KHDC1: variants seen among roughly 807,000 people sequenced by gnomAD.
The protein encoded by KHDC1 is KH domain containing 1, also known as KH homology domain-containing protein 1.
In KHDC1, 21 loss-of-function variants were observed where a neutral mutation model predicts 24.7. That is an observed-to-expected ratio of 0.85 (90% CI 0.60 to 1.23). KHDC1 has a LOEUF of 1.23. KHDC1 is among the 50% of genes most tolerant of loss of function. KHDC1 has a pLI of 0.00. For synonymous variants in KHDC1, 98 were observed against 111.7 expected, an observed-to-expected ratio of 0.88 and a Z score of 0.77; for missense variants, 274 against 298.5, an observed-to-expected ratio of 0.92 and a Z score of 0.61.
intron 2 of KHDC1, among the ~76,000 whole-genome samples, chr6:73,257,913 G>A (rs1426790872): frequency 2.0e-5 from 3 of 152,016 alleles, no homozygotes; most frequent in Admixed American, 1.3e-4. Context: ...TTCAAGATCA[G>A]GCTGGGCAAC....
At chr6:73,250,694 C>G (rs145005380) in intron 2 of KHDC1, among the ~76,000 whole-genome samples, 1 of 152,164 alleles carries the variant, frequency 6.6e-6, no homozygotes, top group Non-Finnish European at 1.5e-5. Context: ...TGATTGATTG[C>G]GCTCAGCAGT....
rs1158620688 is a variant in KHDC1, at chr6:73,272,856, C to CTTTTTTTT, written c.206+19141_206+19142insAAAAAAAA. On this transcript the variant is annotated intron_variant, in intron 2 of 4. Transcript: ENST00000370384. ...ATAATTTTTTCTTTTCTTTTCTTTT[C>CTTTTTTTT]TTTTTCTTTTTTTTTTTTTGGAGAT... 2.2e-5 allele frequency among the ~76,000 whole-genome samples: 3 copies of CTTTTTTTT among 135,314 alleles called. 1 individual carries two copies. The highest frequency in any genetic ancestry group is 6.0e-5 in the African/African-American group (2 of 33,090). 88.8% of individuals were successfully genotyped at this position (135,314 alleles called of 152,430 possible).
intron 1 of KHDC1, chr6:73,293,251 G>T: frequency 3.1e-6 from 2 of 654,362 alleles, no homozygotes; most frequent in Non-Finnish European, 5.9e-6. Context: ...TCCTAACTGG[G>T]CAACTCAAGA....
Position 73,241,736 on chromosome 6 carries a change from A to G in KHDC1, c.515-8T>C, listed in dbSNP as rs368583826. 5 of 1,613,942 alleles carry G rather than the reference A, an allele frequency of 3.1e-6. No individual in the cohort carries two copies. In the African/African-American group the frequency reaches 5.3e-5, roughly 17 times the overall value. The stretch of plus-strand genomic sequence containing the variant: ...GTTCCAGCATCTCCAGGCCTGCAAA[A>G]TAAGTGCCCAGGGCTAATGAACCAG... On this transcript the variant is annotated splice_region_variant and splice_polypyrimidine_tract_variant and intron_variant, in intron 4 of 4. Coordinates refer to ENST00000370384, the Ensembl canonical transcript of KHDC1.
intron 2 of KHDC1, among the ~76,000 whole-genome samples, chr6:73,257,237 G>A (rs910552357): frequency 2.0e-5 from 3 of 152,166 alleles, no homozygotes; most frequent in Admixed American, 1.3e-4. Context: ...AGGCTTCAGT[G>A]AGCTTTCATC....
chr6:73,302,256 TC>T, intron 1 of KHDC1, among the ~76,000 whole-genome samples: 1 of 152,202 alleles, frequency 6.6e-6, no homozygotes, highest in East Asian at 1.9e-4. Context: ...GCCATTGCAC[TC>T]CAGCCTGAGC....
rs1458319528 is a variant in KHDC1, at chr6:73,292,623, C to T, written c.164-583G>A. 9.2e-6 allele frequency: 7 copies of T among 758,830 alleles called. No homozygotes were observed. The East Asian group carries it at 9.8e-5, about 11-fold the overall frequency. 47.0% of individuals were successfully genotyped at this position (758,830 alleles called of 1,614,324 possible). A position where few individuals can be genotyped will look rare whatever the true frequency, so the allele number is the denominator to read the frequency against. On this transcript the variant is annotated intron_variant, in intron 1 of 4. Coordinates refer to ENST00000370384, the Ensembl canonical transcript of KHDC1. ...TGGCTCGTTCACTGGTCTCTGTTTTCTTCAATCACCCCAAAGGTTGTGATA... is the reference window on the plus strand; with the variant it reads ...TGGCTCGTTCACTGGTCTCTGTTTTTTTCAATCACCCCAAAGGTTGTGATA...
intron 2 of KHDC1, among the ~76,000 whole-genome samples, chr6:73,277,538 CAGTT>C (rs1767320228): frequency 6.6e-6 from 1 of 152,110 alleles, no homozygotes; most frequent in Middle Eastern, 3.2e-3. Flanking sequence ...AACACATTAT[CAGTT>C]AGTATAAAAC....
At chr6:73,252,221 T>C (rs1039206086) in intron 2 of KHDC1, among the ~76,000 whole-genome samples, 2 of 151,920 alleles carry the variant, frequency 1.3e-5, no homozygotes, top group African/African-American at 2.4e-5. Flanking sequence ...TTTCATATTT[T>C]TTGTAGAGAT....
rs777989124 is a variant in KHDC1, at chr6:73,241,671, G to A, written c.572C>T (p.Thr191Ile). ...AGTGTATGGTGGCACACTAATGGAG[G>A]TGACCAGGTCATCGTTGGTCAGAGG... is the stretch of plus-strand genomic sequence containing the variant. The change falls in exon 5 of 5, where the codon ACC becomes ATC. Residue 191 changes from threonine (T) to isoleucine (I), a missense_variant. By Grantham distance (89) the Thr-to-Ile change is moderately conservative. Transcript: ENST00000370384. The A allele has an allele frequency of 9.9e-6, 16 of 1,614,060 alleles. No homozygotes were observed. The Admixed American group carries it at 1.5e-4, about 15-fold the overall frequency.
chr6:73,243,046 G>A (rs1443835720), intron 2 of KHDC1, among the ~76,000 whole-genome samples: 1 of 152,160 alleles, frequency 6.6e-6, no homozygotes, highest in Non-Finnish European at 1.5e-5. Context: ...CGTAGGAGTT[G>A]ACTGGGTGAG....
At chr6:73,274,486 T>C (rs947179946) in intron 2 of KHDC1, 3 of 152,170 alleles carry the variant, frequency 2.0e-5, no homozygotes, top group Non-Finnish European at 4.4e-5. Flanking sequence ...AATCCCCACA[T>C]GTAAAGGGCA....
chr6:73,241,607 C>G, exon 5 of KHDC1: 1 of 1,614,202 alleles, frequency 6.2e-7, no homozygotes, highest in Non-Finnish European at 8.5e-7. Flanking sequence ...CGCTAAGACA[C>G]ACGGTTCCAC....
intron 2 of KHDC1, among the ~76,000 whole-genome samples, chr6:73,267,266 G>A (rs1396142045): frequency 6.6e-6 from 1 of 152,176 alleles, no homozygotes; most frequent in Non-Finnish European, 1.5e-5. Context: ...GATCACCTAA[G>A]GTCAGGAGTT....
chr6:73,241,784 G>A (rs2150547892), intron 4 of KHDC1, 56 bp from the exon 4 acceptor site: 2 of 1,580,130 alleles, frequency 1.3e-6, no homozygotes, highest in African/African-American at 1.3e-5. Context: ...GGGCCCATTG[G>A]CAGGCCTGGA....
At chr6:73,295,686 T>A (rs34821383) in intron 1 of KHDC1, among the ~76,000 whole-genome samples, 35,638 of 147,196 alleles carry the variant, frequency 0.24, 4,883 homozygotes, top group African/African-American at 0.38. Flanking sequence ...TCTTTACTAA[T>A]GATACAAAAA....
exon 1 of KHDC1, chr6:73,310,086 A>C (rs1768053438): frequency 4.5e-6 from 1 of 221,372 alleles, no homozygotes; most frequent in South Asian, 5.7e-5. Flanking sequence ...AAACGACAAG[A>C]ACCGGAGGAG....
At chr6:73,252,654 TAA>T (rs767494906) in intron 2 of KHDC1, among the ~76,000 whole-genome samples, 1 of 141,782 alleles carries the variant, frequency 7.1e-6, no homozygotes. Context: ...CTTCAAAAGA[TAA>T]AAAAAAAAAA....
chr6:73,241,514 G>A, exon 5 of KHDC1: 1 of 1,611,702 alleles, frequency 6.2e-7, no homozygotes, highest in Non-Finnish European at 8.5e-7. Flanking sequence ...CTTCCCAGGG[G>A]AGATCAGTCC....
Sources: allele counts gnomAD v4.1 joint callset (sites outside exome capture counted in the v4.1 genomes callset), GRCh38; gene constraint gnomAD v4.1.1; transcripts MANE v1.5; gene names NCBI Gene and HGNC (gene_info 2026-07-23, HGNC 2026-07-21).